The following ELMO1 variants were observed in gnomAD, a reference collection of about 807,000 sequenced individuals.
ELMO1 encodes the protein engulfment and cell motility protein 1.
ELMO1 carries 26 observed loss-of-function variants against 98.9 expected under a neutral mutation model. The ratio of observed to expected loss-of-function variants is 0.26; its 90% CI spans 0.19 to 0.36. The LOEUF is 0.36. ELMO1 is among the 10% of genes least tolerant of loss of function. The pLI is 1.00. For missense variants in ELMO1, 627 were observed against 935.2 expected, an observed-to-expected ratio of 0.67 and a Z score of 4.30; for synonymous variants, 346 against 346.0, an observed-to-expected ratio of 1.00 and a Z score of 0.00.
At chr7:36,893,051 G>T (rs1805694671) in intron 17 of ELMO1, among the ~76,000 whole-genome samples, 1 of 152,196 alleles carries the variant, frequency 6.6e-6, no homozygotes, top group Non-Finnish European at 1.5e-5. Context: ...TTGCCATGAA[G>T]TTAATTAACA....
chr7:37,284,516 C>G (rs746659813), intron 4 of ELMO1, among the ~76,000 whole-genome samples: 1 of 152,140 alleles, frequency 6.6e-6, no homozygotes, highest in African/African-American at 2.4e-5. Flanking sequence ...CTTGACATCG[C>G]TGGCTCTGAG....
intron 16 of ELMO1, among the ~76,000 whole-genome samples, chr7:36,947,265 G>A (rs538348405): frequency 6.6e-6 from 1 of 152,302 alleles, no homozygotes; most frequent in Non-Finnish European, 1.5e-5. Context: ...GCTTTGAGCA[G>A]GACAGTATCT....
intron 16 of ELMO1, among the ~76,000 whole-genome samples, chr7:36,945,201 T>C (rs1162279831): frequency 6.6e-6 from 1 of 152,248 alleles, no homozygotes; most frequent in African/African-American, 2.4e-5. Context: ...ATTATTGTCA[T>C]ACATTTTCTC....
At chr7:37,392,750 C>G (rs184894670) in intron 1 of ELMO1, among the ~76,000 whole-genome samples, 8 of 152,236 alleles carry the variant, frequency 5.3e-5, no homozygotes, top group Non-Finnish European at 7.3e-5. Context: ...CTTCCCTTGA[C>G]GTCTGCCTAC....
At chr7:37,369,756 T>C (rs1328691256) in intron 1 of ELMO1, among the ~76,000 whole-genome samples, 1 of 145,958 alleles carries the variant, frequency 6.9e-6, no homozygotes, top group African/African-American at 2.5e-5. Context: ...TAAGAAAAAA[T>C]ATAACAAAAA....
intron 4 of ELMO1, among the ~76,000 whole-genome samples, chr7:37,311,054 G>A (rs1798865909): frequency 6.6e-6 from 1 of 152,012 alleles, no homozygotes; most frequent in Admixed American, 6.6e-5. Context: ...AGTTTCTAGA[G>A]CAGAATTTGA....
intron 13 of ELMO1, among the ~76,000 whole-genome samples, chr7:37,177,842 C>G (rs566503892): frequency 2.6e-5 from 4 of 152,288 alleles, no homozygotes; most frequent in East Asian, 1.9e-4. Flanking sequence ...CTATGTTACT[C>G]TTTGTATTTG....
chr7:37,297,960 AG>A (rs1640875154), intron 4 of ELMO1, among the ~76,000 whole-genome samples: 2 of 152,234 alleles, frequency 1.3e-5, no homozygotes, highest in Non-Finnish European at 2.9e-5. Flanking sequence ...TAGATACAGT[AG>A]AATGCCATTG....
chr7:37,083,570 G>T (rs1783599303), intron 15 of ELMO1, among the ~76,000 whole-genome samples: 1 of 152,212 alleles, frequency 6.6e-6, no homozygotes, highest in African/African-American at 2.4e-5. Context: ...AGATGCTCAG[G>T]CCACAGCTGC....
intron 16 of ELMO1, among the ~76,000 whole-genome samples, chr7:36,921,713 C>T (rs1255421344): frequency 1.3e-5 from 2 of 152,148 alleles, no homozygotes; most frequent in Admixed American, 6.5e-5. Context: ...TCCCAAAATG[C>T]TCTTCAGTGA....
At chr7:36,989,550 T>G (rs1791734187) in intron 16 of ELMO1, among the ~76,000 whole-genome samples, 1 of 151,428 alleles carries the variant, frequency 6.6e-6, no homozygotes, top group Non-Finnish European at 1.5e-5. Context: ...CTCCCACATA[T>G]AAAATGGAAA....
chr7:37,048,749 T>C (rs1276460674), intron 15 of ELMO1, among the ~76,000 whole-genome samples: 1 of 152,260 alleles, frequency 6.6e-6, no homozygotes, highest in Non-Finnish European at 1.5e-5. Context: ...TTTTCTTATG[T>C]ATTACCTTAG....
At chr7:37,330,213 C>T (rs1202298228) in intron 2 of ELMO1, among the ~76,000 whole-genome samples, 3 of 152,208 alleles carry the variant, frequency 2.0e-5, no homozygotes, top group Non-Finnish European at 4.4e-5. Flanking sequence ...CATTCATTTC[C>T]TTATTAGTGG....
intron 15 of ELMO1, among the ~76,000 whole-genome samples, chr7:37,078,920 A>G (rs1277628186): frequency 3.9e-5 from 6 of 152,212 alleles, no homozygotes; most frequent in African/African-American, 1.2e-4. Flanking sequence ...CAAAAAGCGT[A>G]CAAAGGTATA....
chr7:37,448,527 C>A (rs1412908028), intron 1 of ELMO1, 148 bp downstream of exon 1: 1 of 152,216 alleles, frequency 6.6e-6, no homozygotes, highest in African/African-American at 2.4e-5. Context: ...AGCCGCGGCG[C>A]CCCCAGGGAG....
chr7:37,433,485 G>A (rs1227366639), intron 1 of ELMO1, among the ~76,000 whole-genome samples: 4 of 152,114 alleles, frequency 2.6e-5, no homozygotes, highest in Non-Finnish European at 4.4e-5. Context: ...CACTCACAAA[G>A]GAAGCCAGAG....
chr7:36,861,761 A>G (rs1438243386), intron 20 of ELMO1, 25 bp from the exon 21 acceptor site: 3 of 1,608,758 alleles, frequency 1.9e-6, no homozygotes, highest in Admixed American at 3.3e-5. Flanking sequence ...AGAAAACAGC[A>G]CCTTAAGGAA....
At chr7:37,171,552 G>A (rs1229728369) in intron 13 of ELMO1, among the ~76,000 whole-genome samples, 3 of 130,142 alleles carry the variant, frequency 2.3e-5, no homozygotes, top group African/African-American at 8.5e-5. Flanking sequence ...GAGTGCAGTG[G>A]CACAATCTCG....
intron 14 of ELMO1, among the ~76,000 whole-genome samples, chr7:37,128,390 G>A (rs1786674163): frequency 6.6e-6 from 1 of 152,088 alleles, no homozygotes; most frequent in Admixed American, 6.5e-5. Flanking sequence ...GGAAAGCTGG[G>A]GAGTGAAACA....
Sources: gnomAD v4.1 joint callset for allele counts (sites outside exome capture counted in the v4.1 genomes callset) on GRCh38, gnomAD v4.1.1 for gene constraint, MANE v1.5 for transcripts, NCBI Gene and HGNC (gene_info 2026-07-23, HGNC 2026-07-21) for gene names.